The following PKHD1 variants were observed in gnomAD, a reference collection of about 807,000 sequenced individuals.
PKHD1 encodes the protein fibrocystin.
In PKHD1, 291 loss-of-function variants were observed where a neutral mutation model predicts 412.0. The observed-to-expected ratio is 0.71, with a 90% CI of 0.64 to 0.78. PKHD1 has a LOEUF of 0.78. Ranked by LOEUF, PKHD1 falls within the 30% of genes least tolerant of loss-of-function variation. PKHD1 has a pLI of 0.00. For synonymous variants in PKHD1, 1,777 were observed against 1,821.5 expected (o/e 0.98, Z 0.62); for missense variants, 4,825 against 4,950.7 (o/e 0.97, Z 0.76).
At chr6:51,910,908 A>ATGTGGTAAAAT (rs1782843589) in intron 39 of PKHD1, among the ~76,000 whole-genome samples, 2 of 151,834 alleles carry the variant, frequency 1.3e-5, no homozygotes, top group South Asian at 4.2e-4. Flanking sequence ...ACTCACATGC[A>ATGTGGTAAAAT]CCTATATTTA....
chr6:51,736,776 C>T (rs1026309172), intron 60 of PKHD1, among the ~76,000 whole-genome samples: 4 of 152,064 alleles, frequency 2.6e-5, no homozygotes. Flanking sequence ...CCTCCCTCTC[C>T]AATCTCCCAT....
At chr6:51,903,277 A>G (rs1042464757) in intron 43 of PKHD1, among the ~76,000 whole-genome samples, 7 of 152,178 alleles carry the variant, frequency 4.6e-5, no homozygotes, top group African/African-American at 1.7e-4. Context: ...ACCACCACTA[A>G]CGCTGCCACC....
chr6:51,672,222 T>C (rs746814099), intron 60 of PKHD1, among the ~76,000 whole-genome samples: 2 of 152,268 alleles, frequency 1.3e-5, no homozygotes, highest in South Asian at 4.1e-4. Context: ...TAATTTTATA[T>C]AGAAGTGATT....
rs765667001 is a variant in PKHD1 at position 51,807,485 on chromosome 6, A to ATATGTGTG, written c.8303-16113_8303-16112insCACACATA. Among the ~76,000 whole-genome samples, 39 of 111,766 alleles carry ATATGTGTG rather than the reference A, an allele frequency of 3.5e-4. 1 individual carries two copies. The highest frequency in any genetic ancestry group is 1.3e-3 in the African/African-American group (34 of 25,798). 73.3% of individuals were successfully genotyped at this position (111,766 alleles called of 152,430 possible). A position where few individuals can be genotyped will look rare whatever the true frequency, so the allele number is the denominator to read the frequency against. On this transcript the variant is annotated intron_variant, in intron 52 of 66. Transcript: ENST00000371117. ...TATATATATATATATATATATGTAT[A>ATATGTGTG]TGTGTGTGTGTGTGTGTGTGTGTGT...
chr6:52,072,183 C>T lies in PKHD1; in HGVS notation c.534G>A (p.Val178=), dbSNP rs1226545035. 1.2e-6 allele frequency: 2 copies of T among 1,600,332 alleles called. No individual in the cohort carries two copies. Among genetic ancestry groups the T allele is most frequent in the South Asian group, 2.2e-5 (2 of 90,824 alleles). The stretch of plus-strand genomic sequence containing the variant: ...ATTTGTCTCCTTGAGCTTCCAAGAT[C>T]ACTGGGCTGGATTTAAAAAAAAATG... ...DFDAEYIDSP[V]ILEAQGDKWV... Residue 178 remains valine (V), a synonymous_variant, in exon 8 of 67, where the codon GTG becomes GTA. Coordinates refer to ENST00000371117, the MANE Select transcript of PKHD1 (RefSeq NM_138694.4).
intron 27 of PKHD1, among the ~76,000 whole-genome samples, 184 bp from the exon 28 acceptor site, chr6:52,035,905 A>G (rs763684603): frequency 6.6e-6 from 1 of 152,222 alleles, no homozygotes; most frequent in South Asian, 2.1e-4. Flanking sequence ...GAAAGGGAGA[A>G]GTAGTGACAG....
At chr6:51,912,873 C>A (rs1446157544) in intron 37 of PKHD1, among the ~76,000 whole-genome samples, 1 of 152,058 alleles carries the variant, frequency 6.6e-6, no homozygotes, top group African/African-American at 2.4e-5. Flanking sequence ...ATATTTGAAT[C>A]ACGATCTTTT....
At chr6:52,038,275 G>C (rs990849339) in intron 27 of PKHD1, among the ~76,000 whole-genome samples, 1 of 151,844 alleles carries the variant, frequency 6.6e-6, no homozygotes, top group Non-Finnish European at 1.5e-5. Flanking sequence ...CAGCTACTCA[G>C]GAGGCAGGAG....
At chr6:51,982,815 AAAT>A (rs1795659626) in intron 35 of PKHD1, among the ~76,000 whole-genome samples, 2 of 139,990 alleles carry the variant, frequency 1.4e-5, no homozygotes, top group South Asian at 2.3e-4. Context: ...ATAAAAAAAA[AAAT>A]AATAATAATA....
At chr6:51,624,395 C>T (rs1425242548) in intron 66 of PKHD1, among the ~76,000 whole-genome samples, 1 of 152,118 alleles carries the variant, frequency 6.6e-6, no homozygotes, top group Non-Finnish European at 1.5e-5. Context: ...TTCCTGAGAA[C>T]TTGAGACAAT....
At position 52,065,133 on chromosome 6, in the gene PKHD1, TTATA is replaced by T. The variant is rs369093047; in HGVS notation, c.881-87_881-84del. ...TATATGTGTGTGGGTATATGTATAATTATATATATATATATATATATATATATAT... is the reference window on the plus strand; with the variant it reads ...TATATGTGTGTGGGTATATGTATAATTATATATATATATATATATATATAT... On this transcript the variant is annotated intron_variant, in intron 12 of 66. Transcript: ENST00000371117. 2.9e-3 allele frequency: 389 copies of T among 132,202 alleles called. 3 individuals carry two copies. The highest frequency in any genetic ancestry group is 0.011 in the Middle Eastern group (4 of 350). The allele number at this position is 132,202 out of a possible 1,614,324, so 8.2% of individuals were successfully genotyped here. A position where few individuals can be genotyped will look rare whatever the true frequency, so the allele number is the denominator to read the frequency against.
chr6:52,063,796 G>C (rs1809070783), intron 13 of PKHD1, among the ~76,000 whole-genome samples: 1 of 152,184 alleles, frequency 6.6e-6, no homozygotes, highest in South Asian at 2.1e-4. Context: ...ATTGCCCCTG[G>C]TTGAGAACAA....
chr6:51,987,628 T>C (rs1200191805), intron 35 of PKHD1, among the ~76,000 whole-genome samples: 1 of 151,950 alleles, frequency 6.6e-6, no homozygotes, highest in Admixed American at 6.5e-5. Context: ...ATGAGGAAAA[T>C]ATAGCCTCAG....
At chr6:52,043,216 T>C (rs1235148328) in intron 26 of PKHD1, 82 bp from the exon 27 acceptor site, 14 of 1,137,144 alleles carry the variant, frequency 1.2e-5, no homozygotes, top group Admixed American at 4.2e-5. Context: ...CTCACTATCA[T>C]CAAATGTTCC....
At chr6:51,645,506 C>T (rs1408946364) in intron 63 of PKHD1, among the ~76,000 whole-genome samples, 1 of 152,146 alleles carries the variant, frequency 6.6e-6, no homozygotes, top group Admixed American at 6.6e-5. Flanking sequence ...GATTCTCGTG[C>T]CTCCGCTTCC....
At chr6:51,736,455 C>T (rs1009255080) in intron 60 of PKHD1, among the ~76,000 whole-genome samples, 5 of 152,106 alleles carry the variant, frequency 3.3e-5, no homozygotes, top group African/African-American at 1.2e-4. Flanking sequence ...AGCCGTATCC[C>T]CCCCTGCTTG....
chr6:52,028,861 A>G (rs887598809), intron 29 of PKHD1, among the ~76,000 whole-genome samples: 3 of 152,256 alleles, frequency 2.0e-5, no homozygotes, highest in Non-Finnish European at 4.4e-5. Flanking sequence ...TAGTATAAAA[A>G]GAAAAATTGG....
intron 16 of PKHD1, among the ~76,000 whole-genome samples, chr6:52,057,999 G>A (rs955043069): frequency 6.6e-6 from 1 of 152,194 alleles, no homozygotes; most frequent in African/African-American, 2.4e-5. Context: ...GGAATTTAAT[G>A]TGTATATGCT....
At chr6:52,054,916 G>C (rs1204600179) in intron 19 of PKHD1, among the ~76,000 whole-genome samples, 1 of 152,172 alleles carries the variant, frequency 6.6e-6, no homozygotes, top group Non-Finnish European at 1.5e-5. Context: ...AGCCCAACTA[G>C]GAAAAGACTA....
Sources: gnomAD v4.1 joint callset for allele counts (sites outside exome capture counted in the v4.1 genomes callset) on GRCh38, gnomAD v4.1.1 for gene constraint, MANE v1.5 for transcripts, NCBI Gene and HGNC (gene_info 2026-07-23, HGNC 2026-07-21) for gene names.